KHDRBS3: variants seen among roughly 807,000 people sequenced by gnomAD.
The protein encoded by KHDRBS3 is KH domain-containing, RNA-binding, signal transduction-associated protein 3.
Under a neutral mutation model 45.6 loss-of-function variants are expected in KHDRBS3, and 23 were observed. The ratio of observed to expected loss-of-function variants is 0.50; its 90% confidence interval spans 0.36 to 0.72. The LOEUF is 0.72. Ranked by LOEUF, KHDRBS3 falls within the 30% of genes least tolerant of loss-of-function variation. The pLI, the probability that KHDRBS3 is intolerant of heterozygous loss-of-function variation, is 0.00. For missense variants in KHDRBS3, 352 were observed against 424.8 expected (o/e 0.83, Z 1.51); for synonymous variants, 162 against 156.5 (o/e 1.04, Z -0.26).
At chr8:135,503,046 G>A (rs1823811952) in intron 1 of KHDRBS3, among the ~76,000 whole-genome samples, 1 of 152,260 alleles carries the variant, frequency 6.6e-6, no homozygotes, top group African/African-American at 2.4e-5. Context: ...GAGCATTTTT[G>A]TGATCATAGA....
At chr8:135,511,252 A>G (rs1016092210) in intron 1 of KHDRBS3, among the ~76,000 whole-genome samples, 1 of 152,208 alleles carries the variant, frequency 6.6e-6, no homozygotes, top group Non-Finnish European at 1.5e-5. Context: ...GTAAATGAAC[A>G]TTGTATCTAC....
At position 135,644,805 on chromosome 8, in the gene KHDRBS3, C is replaced by T. The variant is rs530340508; in HGVS notation, c.891-254C>T. ...ACTTTTAGGCACTTACTGTGTGTTG[C>T]GTGGCCAATTGTTGTGGTTAAAATG... On this transcript the variant is annotated intron_variant, in intron 7 of 8. Transcript: ENST00000355849. Among the ~76,000 whole-genome samples the T allele has an allele frequency of 7.0e-4, 106 of 152,182 alleles. 1 individual carries two copies. In the Middle Eastern group the frequency reaches 0.01, roughly 15 times the overall value.
At chr8:135,569,048 T>C (rs955531049) in intron 5 of KHDRBS3, among the ~76,000 whole-genome samples, 3 of 152,146 alleles carry the variant, frequency 2.0e-5, no homozygotes, top group Non-Finnish European at 4.4e-5. Flanking sequence ...TATGAGACAA[T>C]TGAGTTTTAC....
At chr8:135,563,850 G>A (rs879851597) in intron 5 of KHDRBS3, among the ~76,000 whole-genome samples, 3 of 152,034 alleles carry the variant, frequency 2.0e-5, no homozygotes, top group Non-Finnish European at 4.4e-5. Flanking sequence ...CCTTTGCTCT[G>A]GCTCTTCTGG....
intron 6 of KHDRBS3, among the ~76,000 whole-genome samples, chr8:135,587,374 A>G (rs1013997559): frequency 2.6e-5 from 4 of 152,202 alleles, no homozygotes; most frequent in African/African-American, 9.6e-5. Flanking sequence ...CATTGGTAAC[A>G]CCAAATCCAT....
chr8:135,644,927 CGGT>C, intron 7 of KHDRBS3, 129 bp from the exon 8 acceptor site: 1 of 880,866 alleles, frequency 1.1e-6, no homozygotes, highest in African/African-American at 1.6e-5. Context: ...TCTGTGATCT[CGGT>C]GGGAATTTCT....
At chr8:135,648,884 C>T (rs1831373101), downstream of KHDRBS3, among the ~76,000 whole-genome samples, 1 of 147,882 alleles carries the variant, frequency 6.8e-6, no homozygotes, top group South Asian at 2.1e-4. Context: ...TAGTCAATAG[C>T]ATGAAAAAAA....
chr8:135,505,253 C>G (rs1823933271), intron 1 of KHDRBS3, among the ~76,000 whole-genome samples: 1 of 152,182 alleles, frequency 6.6e-6, no homozygotes, highest in African/African-American at 2.4e-5. Context: ...GCGTTTTCCC[C>G]CATTTTTATG....
intron 1 of KHDRBS3, among the ~76,000 whole-genome samples, chr8:135,469,682 C>G (rs1182393732): frequency 1.3e-5 from 2 of 152,214 alleles, no homozygotes. Flanking sequence ...GCATGTGCCA[C>G]TATTCCCAGC....
At chr8:135,541,767 A>G (rs1826059508) in intron 2 of KHDRBS3, 1 of 152,236 alleles carries the variant, frequency 6.6e-6, no homozygotes, top group South Asian at 2.1e-4. Flanking sequence ...CAAGGCTTTT[A>G]AAAATTGTGT....
intron 5 of KHDRBS3, among the ~76,000 whole-genome samples, chr8:135,558,585 T>G (rs1350065253): frequency 6.6e-6 from 1 of 152,172 alleles, no homozygotes; most frequent in East Asian, 1.9e-4. Flanking sequence ...TATGGATTTT[T>G]CTCTATTAAT....
intron 7 of KHDRBS3, among the ~76,000 whole-genome samples, chr8:135,628,383 A>G (rs1032860399): frequency 2.0e-5 from 3 of 152,140 alleles, no homozygotes; most frequent in East Asian, 3.9e-4. Context: ...TGAACCTCCT[A>G]ATTTCATACT....
At chr8:135,483,464 A>G (rs1047188870) in intron 1 of KHDRBS3, among the ~76,000 whole-genome samples, 3 of 152,152 alleles carry the variant, frequency 2.0e-5, no homozygotes, top group Admixed American at 1.3e-4. Flanking sequence ...CATGGTGGCT[A>G]TGGGAGAAAA....
Position 135,457,963 on chromosome 8 carries a change from C to A in KHDRBS3, c.88+9C>A, listed in dbSNP as rs1265072039. ...GCGCCTGGTGAACCAAGGTGAGGCG[C>A]CGGCCGTTAACTGCCGGCCGGCGGC... On this transcript the variant is annotated intron_variant, in intron 1 of 8. Coordinates refer to ENST00000355849, the MANE Select transcript of KHDRBS3 (RefSeq NM_006558.3). This position sits in a 1 kb window ranked among gnomAD's most constrained non-coding sequence, Gnocchi z 4.4. 6.3e-7 allele frequency: 1 copy of A among 1,585,636 alleles called. No homozygotes were observed. The highest frequency in any genetic ancestry group is 1.8e-5 in the Admixed American group (1 of 57,122).
At chr8:135,505,763 G>T (rs1379229730) in intron 1 of KHDRBS3, among the ~76,000 whole-genome samples, 1 of 152,058 alleles carries the variant, frequency 6.6e-6, no homozygotes, top group Non-Finnish European at 1.5e-5. Context: ...TCACAGGGCT[G>T]GGACTCAGAC....
intron 1 of KHDRBS3, among the ~76,000 whole-genome samples, chr8:135,478,386 C>T (rs1334671926): frequency 1.3e-5 from 2 of 152,158 alleles, no homozygotes; most frequent in African/African-American, 2.4e-5. Context: ...TAGTTGGAGA[C>T]TTCAATACCC....
chr8:135,528,848 A>G (rs1189422997), intron 2 of KHDRBS3, among the ~76,000 whole-genome samples: 2 of 152,136 alleles, frequency 1.3e-5, no homozygotes, highest in African/African-American at 4.8e-5. Context: ...AAAGGCTTGA[A>G]TCCATTCATA....
intron 7 of KHDRBS3, among the ~76,000 whole-genome samples, chr8:135,634,903 C>T (rs1449450384): frequency 6.6e-6 from 1 of 152,168 alleles, no homozygotes; most frequent in African/African-American, 2.4e-5. Flanking sequence ...CTCACTCTGC[C>T]GGCCTCCTGA....
chr8:135,536,262 T>TTTTTTTTTTTTTTTTTTTTTTA (rs1491256544), intron 2 of KHDRBS3, among the ~76,000 whole-genome samples: 1 of 98,762 alleles, frequency 1.0e-5, no homozygotes, highest in African/African-American at 3.4e-5. Flanking sequence ...TTTTTTTTTT[T>TTTTTTTTTTTTTTTTTTTTTTA]ATTATTGTTT....
Sources: allele counts gnomAD v4.1 joint callset (sites outside exome capture counted in the v4.1 genomes callset), GRCh38; gene constraint gnomAD v4.1.1; non-coding constraint Gnocchi (gnomAD v3.1); transcripts MANE v1.5; gene names NCBI Gene and HGNC (gene_info 2026-07-23, HGNC 2026-07-21).